The following CCDC178 variants were observed in gnomAD, a reference collection of about 807,000 sequenced individuals.
The protein encoded by CCDC178 is coiled-coil domain-containing protein 178.
Under a neutral mutation model 117.4 loss-of-function variants are expected in CCDC178, and 126 were observed. That is an observed-to-expected ratio of 1.07 (90% CI 0.93 to 1.24). The LOEUF is 1.24. CCDC178 is among the 50% of genes most tolerant of loss of function. The pLI is 0.00. For missense variants in CCDC178, 1,030 were observed against 986.9 expected (o/e 1.04, Z -0.59); for synonymous variants, 283 against 313.4 (o/e 0.90, Z 1.02).
At chr18:33,393,763 T>C (rs1046262656) in intron 4 of CCDC178, among the ~76,000 whole-genome samples, 7 of 152,140 alleles carry the variant, frequency 4.6e-5, no homozygotes, top group Non-Finnish European at 7.4e-5. Context: ...TTGTTTCCAG[T>C]TTTCACTGTT....
intron 11 of CCDC178, among the ~76,000 whole-genome samples, chr18:33,304,216 C>A (rs2062218574): frequency 6.6e-6 from 1 of 152,174 alleles, no homozygotes. Context: ...TTCTCCAGCT[C>A]TGGGTCTTTT....
intron 22 of CCDC178, among the ~76,000 whole-genome samples, chr18:32,955,370 T>C (rs543445705): frequency 1.6e-4 from 25 of 152,308 alleles, no homozygotes; most frequent in Admixed American, 6.5e-4. Context: ...AATGTGTAGA[T>C]TTCTTTCAGG....
At chr18:33,218,499 T>C (rs1468937012) in intron 18 of CCDC178, among the ~76,000 whole-genome samples, 1 of 152,182 alleles carries the variant, frequency 6.6e-6, no homozygotes, top group African/African-American at 2.4e-5. Flanking sequence ...CCATTGCTTT[T>C]GGTGTTTTAG....
In CCDC178 at chr18:33,340,032, G is replaced by A. The variant is rs530612009; in HGVS notation, c.658+6179C>T. Among the ~76,000 whole-genome samples, 8 of 152,266 alleles carry A rather than the reference G, an allele frequency of 5.3e-5. No homozygotes were observed. In the East Asian group the frequency reaches 1.5e-3, roughly 29 times the overall value. On this transcript the variant is annotated intron_variant, in intron 9 of 22. Transcript: ENST00000383096. The stretch of plus-strand genomic sequence containing the variant: ...TTGGAACAGTTTGGAGGGCTCAGAA[G>A]AAGATAGGAAAATGTGGGAAAGTTT...
chr18:32,964,799 G>C lies in CCDC178; in HGVS notation c.2523+9748C>G, dbSNP rs367825188. On this transcript the variant is annotated intron_variant, in intron 22 of 22. Transcript: ENST00000383096. ...CACTTCAGAAAATATCCCATAGAAA[G>C]AGAGATTTTTTAAAAAAGTTTACCC... 7.6e-4 allele frequency among the ~76,000 whole-genome samples: 116 copies of C among 152,038 alleles called. No individual in the cohort carries two copies. In the Middle Eastern group the frequency reaches 0.02, roughly 27 times the overall value.
In CCDC178 at chr18:32,949,743, G is replaced by T. The variant is rs142256989; in HGVS notation, c.2524-11652C>A. Among the ~76,000 whole-genome samples the T allele has an allele frequency of 1.1e-4, 17 of 152,090 alleles. No individual in the cohort carries two copies. The East Asian group carries it at 2.9e-3, about 26-fold the overall frequency. ...CTCTCCTAATTGGTTGTACTTTTCT[G>T]GTATTTTTTGCATTCCTGGATTTGA... On this transcript the variant is annotated intron_variant, in intron 22 of 22. Transcript: ENST00000383096.
intron 2 of CCDC178, among the ~76,000 whole-genome samples, chr18:33,414,833 A>T (rs1204258507): frequency 6.6e-6 from 1 of 152,200 alleles, no homozygotes; most frequent in Non-Finnish European, 1.5e-5. Context: ...GAATCTACAA[A>T]GAACTCAAAC....
chr18:33,205,041 C>CA (rs1476982804), intron 20 of CCDC178, among the ~76,000 whole-genome samples: 3 of 151,750 alleles, frequency 2.0e-5, no homozygotes, highest in African/African-American at 7.3e-5. Context: ...ATAATTAATA[C>CA]AAAATAGATT....
intron 20 of CCDC178, among the ~76,000 whole-genome samples, chr18:33,195,427 C>T (rs1256252820): frequency 6.6e-6 from 1 of 152,082 alleles, no homozygotes; most frequent in African/African-American, 2.4e-5. Context: ...GAGAAAGAAT[C>T]AGCCTTTTAT....
chr18:33,208,829 G>T (rs1283187245), intron 20 of CCDC178, among the ~76,000 whole-genome samples: 1 of 151,552 alleles, frequency 6.6e-6, no homozygotes, highest in Admixed American at 6.6e-5. Context: ...CCTGAGAGTA[G>T]AAAATATGGA....
intron 21 of CCDC178, among the ~76,000 whole-genome samples, chr18:33,051,539 C>G (rs2056748219): frequency 6.6e-6 from 1 of 152,180 alleles, no homozygotes; most frequent in Non-Finnish European, 1.5e-5. Flanking sequence ...CACGAAGATT[C>G]AGAAAGTGCT....
chr18:33,154,048 A>T (rs2058366558), intron 20 of CCDC178, among the ~76,000 whole-genome samples: 1 of 152,162 alleles, frequency 6.6e-6, no homozygotes, highest in Admixed American at 6.5e-5. Context: ...GTAATTTCAT[A>T]GAAAAACCTT....
intron 18 of CCDC178, among the ~76,000 whole-genome samples, chr18:33,217,418 A>AAGT (rs1473348407): frequency 6.6e-6 from 1 of 151,994 alleles, no homozygotes; most frequent in Non-Finnish European, 1.5e-5. Context: ...TTCCTATGCA[A>AAGT]AGTAGTATTT....
At chr18:33,107,152 T>G (rs939369654) in intron 20 of CCDC178, among the ~76,000 whole-genome samples, 1 of 151,676 alleles carries the variant, frequency 6.6e-6, no homozygotes, top group Non-Finnish European at 1.5e-5. Context: ...CTTTTTAAAC[T>G]TATAAATTCA....
chr18:33,140,252 C>A (rs371423891), intron 20 of CCDC178, among the ~76,000 whole-genome samples: 1 of 152,116 alleles, frequency 6.6e-6, no homozygotes, highest in African/African-American at 2.4e-5. Flanking sequence ...TCAGAGCCCC[C>A]ACAATGAGTC....
At chr18:33,016,577 G>A (rs1293410037) in intron 21 of CCDC178, among the ~76,000 whole-genome samples, 16 of 151,916 alleles carry the variant, frequency 1.1e-4, no homozygotes, top group African/African-American at 3.9e-4. Context: ...TTGTTGCTGG[G>A]CTTATAATGT....
At position 33,330,021 on chromosome 18, in the gene CCDC178, C is replaced by T. The variant is rs1296835286; in HGVS notation, c.879+3153G>A. On this transcript the variant is annotated intron_variant, in intron 10 of 22. Coordinates refer to ENST00000383096, the MANE Select transcript of CCDC178 (RefSeq NM_001105528.4). ...TTATTCAATCTCTTTACTTGTTATA[C>T]ACCTGCTCAGATTTCCTATTTCTTC... 3.5e-5 allele frequency among the ~76,000 whole-genome samples: 5 copies of T among 143,074 alleles called. No individual in the cohort carries two copies. In the South Asian group the frequency reaches 7.2e-4, roughly 21 times the overall value. The allele number at this position is 143,074 out of a possible 152,430, so 93.9% of individuals were successfully genotyped here.
intron 21 of CCDC178, among the ~76,000 whole-genome samples, chr18:33,004,277 T>C (rs1001825106): frequency 7.9e-5 from 12 of 151,982 alleles, no homozygotes; most frequent in African/African-American, 2.9e-4. Context: ...CAAATTACGT[T>C]AAACAGCAGA....
Position 33,412,122 on chromosome 18 carries a change from GA to G in CCDC178, c.-22-13del. ...GAATATTTTAAAACCTAATTAGAAA[GA>G]AAAATATTTAAATATCATGAATCTA... On this transcript the variant is annotated splice_polypyrimidine_tract_variant and intron_variant, in intron 2 of 22. Coordinates refer to ENST00000383096, the MANE Select transcript of CCDC178 (RefSeq NM_001105528.4). 1 of 1,026,762 alleles carries G rather than the reference GA, an allele frequency of 9.7e-7. No individual in the cohort carries two copies. The highest frequency in any genetic ancestry group is 1.4e-6 in the Non-Finnish European group (1 of 694,348). The allele number at this position is 1,026,762 out of a possible 1,614,324, so 63.6% of individuals were successfully genotyped here.
Sources: gnomAD v4.1 joint callset for allele counts (sites outside exome capture counted in the v4.1 genomes callset) on GRCh38, gnomAD v4.1.1 for gene constraint, MANE v1.5 for transcripts, NCBI Gene and HGNC (gene_info 2026-07-23, HGNC 2026-07-21) for gene names.